The following CENPK variants were observed in gnomAD, a reference collection of about 807,000 sequenced individuals.
CENPK encodes SoxLZ/Sox6-binding protein Solt.
In CENPK, 46 loss-of-function variants were observed where a neutral mutation model predicts 40.9. The ratio of observed to expected loss-of-function variants is 1.13; its 90% CI spans 0.89 to 1.44. The LOEUF is 1.44. CENPK is among the 40% of genes most tolerant of loss of function. CENPK has a pLI of 0.00. For missense variants in CENPK, 288 were observed against 303.5 expected, an observed-to-expected ratio of 0.95 and a Z score of 0.38; for synonymous variants, 107 against 104.4, an observed-to-expected ratio of 1.02 and a Z score of -0.15.
Position 65,528,450 on chromosome 5 carries a change from A to C in CENPK, c.597+2T>G, listed in dbSNP as rs370050260. On this transcript the variant is annotated splice_donor_variant, in intron 9 of 10. Transcript: ENST00000396679. LOFTEE classifies it high-confidence loss of function. ...TACATAAATGTCTTCTCTAAAACTT[A>C]CCTTTTTCTTTTTAACACTTCTATC... 78 of 1,586,644 alleles carry C rather than the reference A, an allele frequency of 4.9e-5. No homozygotes were observed. Among genetic ancestry groups the C allele is most frequent in the Non-Finnish European group, 6.1e-5 (72 of 1,172,886 alleles).
intron 1 of CENPK, 30 bp from the exon 2 acceptor site, chr5:65,561,594 T>G: frequency 2.5e-6 from 1 of 392,612 alleles, no homozygotes; most frequent in South Asian, 1.6e-5. Context: ...GTTGTTTAAT[T>G]AAAACACACA....
Position 65,517,999 on chromosome 5 carries a change from A to T in CENPK, c.*476T>A, listed in dbSNP as rs1743024219. On this transcript the variant is annotated 3_prime_UTR_variant, in exon 11 of 11. Coordinates refer to ENST00000396679, the MANE Select transcript of CENPK (RefSeq NM_022145.5). ...GAAATAAGACAGTATATATGAAACA[A>T]ATTTGCTAAATATTTTTAAATTATG... The T allele has an allele frequency of 6.6e-6, 1 of 152,246 alleles. No homozygotes were observed. Among genetic ancestry groups the T allele is most frequent in the South Asian group, 2.1e-4 (1 of 4,828 alleles). 9.4% of individuals were successfully genotyped at this position (152,246 alleles called of 1,614,324 possible).
At chr5:65,507,479 T>C in the CENPK span, among the ~76,000 whole-genome samples, 1 of 152,174 alleles carries the variant, frequency 6.6e-6, no homozygotes, top group African/African-American at 2.4e-5. Flanking sequence ...TATCTTTGCA[T>C]TAGATTCCTT....
At chr5:65,496,419 CCTA>C in the CENPK span, among the ~76,000 whole-genome samples, 1 of 152,114 alleles carries the variant, frequency 6.6e-6, no homozygotes, top group African/African-American at 2.4e-5. Flanking sequence ...TGATGGTACT[CCTA>C]CTTTGTTAAT....
chr5:65,533,311 T>C (rs907260849), intron 6 of CENPK, among the ~76,000 whole-genome samples: 10 of 146,386 alleles, frequency 6.8e-5, no homozygotes, highest in African/African-American at 2.6e-4. Context: ...GATCGTGCCA[T>C]TGCACTCCAG....
downstream of CENPK, among the ~76,000 whole-genome samples, chr5:65,516,159 A>G (rs2150322992): frequency 6.6e-6 from 1 of 152,294 alleles, no homozygotes; most frequent in East Asian, 1.9e-4. Context: ...GGAAGAGGGG[A>G]ACATGAACAT....
Position 65,528,490 on chromosome 5 carries a change from G to T in CENPK, c.559C>A (p.His187Asn), listed in dbSNP as rs1745145818. 1 of 1,604,632 alleles carries T rather than the reference G, an allele frequency of 6.2e-7. No homozygotes were observed. The highest frequency in any genetic ancestry group is 1.1e-5 in the South Asian group (1 of 88,546). ...ACACTTCTATCAGGCAGAGGAAAATGGTCTTCTAGAAACTCGCCCAAGGTA... is the reference window on the plus strand; with the variant it reads ...ACACTTCTATCAGGCAGAGGAAAATTGTCTTCTAGAAACTCGCCCAAGGTA... ...LSTLGEFLED[H>N]FPLPDRSVKK... Residue 187 changes from histidine to asparagine, a missense_variant, in exon 9 of 11, where the codon CAT becomes AAT. Physicochemically the swap from His to Asn is moderately conservative, Grantham distance 68. Transcript: ENST00000396679.
chr5:65,520,470 T>C (rs1280824038), intron 10 of CENPK, among the ~76,000 whole-genome samples: 2 of 152,094 alleles, frequency 1.3e-5, no homozygotes, highest in Non-Finnish European at 2.9e-5. Context: ...AAATTATACA[T>C]GTAATACCTT....
rs1286143770 is a variant in CENPK, at chr5:65,529,127, C to A, written c.361G>T (p.Asp121Tyr). 2 of 1,605,688 alleles carry A rather than the reference C, an allele frequency of 1.2e-6. No homozygotes were observed. Among genetic ancestry groups the A allele is most frequent in the African/African-American group, 1.3e-5 (1 of 74,662 alleles). The change falls in exon 7 of 11, where the codon GAC becomes TAC. Residue 121 changes from aspartate (D) to tyrosine (Y), a missense_variant. Transcript: ENST00000396679. ...KESKNEKLKE[D>Y]LEREQRWLDE... ...GTAACATAAACAAACCTTTCTAAGT[C>A]TTCCTTTAACTTTTCATTCTTTGAC...
At chr5:65,541,207 T>TA in intron 6 of CENPK, 2 of 333,326 alleles carry the variant, frequency 6.0e-6, no homozygotes, top group Non-Finnish European at 1.2e-5. Flanking sequence ...TCTGGCAAAT[T>TA]AATTAAACCT....
At chr5:65,520,732 C>T (rs1276773956) in intron 10 of CENPK, among the ~76,000 whole-genome samples, 5 of 152,094 alleles carry the variant, frequency 3.3e-5, no homozygotes, top group East Asian at 3.8e-4. Flanking sequence ...TTAAATGAAA[C>T]GCGTTTTCTG....
chr5:65,534,722 A>T (rs142002571), intron 6 of CENPK, among the ~76,000 whole-genome samples: 1 of 152,240 alleles, frequency 6.6e-6, no homozygotes, highest in Non-Finnish European at 1.5e-5. Context: ...CTATATATAC[A>T]TAAACATTAA....
chr5:65,515,203 A>AT (rs1561603851), downstream of CENPK, among the ~76,000 whole-genome samples: 1 of 99,224 alleles, frequency 1.0e-5, no homozygotes, highest in Non-Finnish European at 2.1e-5. Flanking sequence ...ATCTCAAAAA[A>AT]ATTTTTTTTT....
chr5:65,537,724 T>A (rs1283849062), intron 6 of CENPK, among the ~76,000 whole-genome samples: 1 of 152,214 alleles, frequency 6.6e-6, no homozygotes, highest in Non-Finnish European at 1.5e-5. Context: ...TCAAGGTATA[T>A]CCATATTTTA....
At chr5:65,546,949 CAGA>C (rs1246746436) in intron 5 of CENPK, among the ~76,000 whole-genome samples, 3 of 151,992 alleles carry the variant, frequency 2.0e-5, no homozygotes, top group African/African-American at 7.3e-5. Flanking sequence ...CACATAAAAA[CAGA>C]AGAAGATATA....
downstream of CENPK, among the ~76,000 whole-genome samples, chr5:65,513,292 T>G (rs1423005496): frequency 6.6e-6 from 1 of 152,216 alleles, no homozygotes; most frequent in East Asian, 1.9e-4. Flanking sequence ...GCAGCTATTC[T>G]GGGTCGTTCC....
chr5:65,498,599 T>C, the CENPK span, among the ~76,000 whole-genome samples: 3 of 151,558 alleles, frequency 2.0e-5, no homozygotes, highest in East Asian at 1.9e-4. Context: ...CTTTCTTTTT[T>C]CTTTCTTTTC....
In CENPK at chr5:65,563,131, C is replaced by A; in HGVS notation, c.-175G>T. ...CGTCACAAACTCCAGGTCGCCTAGG[C>A]GCTGCGCAGGAAGCGCTTGCCAGCC... On this transcript the variant is annotated 5_prime_UTR_variant, in exon 1 of 11. Transcript: ENST00000396679. The A allele has an allele frequency of 1.3e-6, 1 of 740,958 alleles. No homozygotes were observed. Among genetic ancestry groups the A allele is most frequent in the South Asian group, 1.9e-5 (1 of 52,128 alleles). 45.9% of individuals were successfully genotyped at this position (740,958 alleles called of 1,614,324 possible).
chr5:65,531,657 C>T (rs1422893046), intron 6 of CENPK, among the ~76,000 whole-genome samples: 1 of 152,108 alleles, frequency 6.6e-6, no homozygotes, highest in South Asian at 2.1e-4. Context: ...GTGCATGCCA[C>T]CATACCCAAC....
Sources: allele counts gnomAD v4.1 joint callset (sites outside exome capture counted in the v4.1 genomes callset), GRCh38; gene constraint gnomAD v4.1.1; transcripts MANE v1.5; gene names NCBI Gene and HGNC (gene_info 2026-07-23, HGNC 2026-07-21).